Variants in ERI3 observed in about 807,000 individuals in gnomAD.
The protein encoded by ERI3 is ERI1 exoribonuclease 3.
ERI3 carries 18 observed loss-of-function variants against 44.4 expected under a neutral mutation model. The ratio of observed to expected loss-of-function variants is 0.41; its 90% CI spans 0.28 to 0.60. The LOEUF is 0.60. ERI3 is among the 20% of genes least tolerant of loss of function. ERI3 has a pLI of 0.36. For missense variants in ERI3, 294 were observed against 435.5 expected, an observed-to-expected ratio of 0.68 and a Z score of 2.89; for synonymous variants, 183 against 164.8, an observed-to-expected ratio of 1.11 and a Z score of -0.84.
At chr1:44,351,624 T>G (rs766289377) in intron 2 of ERI3, among the ~76,000 whole-genome samples, 6 of 152,158 alleles carry the variant, frequency 3.9e-5, no homozygotes, top group Non-Finnish European at 7.3e-5. Flanking sequence ...CAGAAAAAAT[T>G]TGCAGAGCAC....
intron 7 of ERI3, among the ~76,000 whole-genome samples, chr1:44,259,842 T>C (rs1644854952): frequency 6.6e-6 from 1 of 151,776 alleles, no homozygotes; most frequent in African/African-American, 2.4e-5. Flanking sequence ...TTTGTGCCAC[T>C]GAACTCCAGC....
In ERI3 at chr1:44,318,070, G is replaced by A. The variant is rs962687228; in HGVS notation, c.606+1558C>T. On this transcript the variant is annotated intron_variant, in intron 4 of 8. Transcript: ENST00000372257. ...ATCCTTGGGTGAAGCTTTCTAGAGA[G>A]AAGAAACTGTTCATCATAGTCTCAC... Among the ~76,000 whole-genome samples the A allele has an allele frequency of 3.9e-5, 6 of 152,170 alleles. No homozygotes were observed. The East Asian group carries it at 9.6e-4, about 24-fold the overall frequency.
At chr1:44,321,948 A>G (rs1343851310) in intron 3 of ERI3, among the ~76,000 whole-genome samples, 1 of 152,224 alleles carries the variant, frequency 6.6e-6, no homozygotes, top group East Asian at 1.9e-4. Flanking sequence ...TCTTAAGCCC[A>G]TGATACATTA....
At chr1:44,318,700 G>C (rs1360374112) in intron 4 of ERI3, among the ~76,000 whole-genome samples, 1 of 152,222 alleles carries the variant, frequency 6.6e-6, no homozygotes, top group Non-Finnish European at 1.5e-5. Flanking sequence ...TTACCAAGGA[G>C]ACTGTTTGGG....
In ERI3 at chr1:44,252,654, C is replaced by T. The variant is rs982456568; in HGVS notation, c.832-4616G>A. On this transcript the variant is annotated intron_variant, in intron 7 of 8. Transcript: ENST00000372257. The surrounding 1 kb of genome is among the most constrained non-coding windows in gnomAD (Gnocchi z 4.7). ...GCGGCTTATGGGGGCTTAGCAGCTG[C>T]GACAAGTGTATTGGGTTTAATAGAT... Among the ~76,000 whole-genome samples the T allele has an allele frequency of 3.3e-5, 5 of 152,182 alleles. No homozygotes were observed. Among genetic ancestry groups the T allele is most frequent in the South Asian group, 2.1e-4 (1 of 4,830 alleles).
At chr1:44,238,105 G>A (rs1192149430) in intron 8 of ERI3, among the ~76,000 whole-genome samples, 2 of 152,124 alleles carry the variant, frequency 1.3e-5, no homozygotes, top group Non-Finnish European at 2.9e-5. Context: ...ACTCGCTAAC[G>A]TGCTGCCCAT....
In ERI3 at chr1:44,241,951, C is replaced by G; in HGVS notation, c.931+5988G>C. ...GCCATTCTTCCATCTATGGTTGCTA[C>G]TGAAGAACAGTCTGGTGTCTGGCAA... On this transcript the variant is annotated intron_variant, in intron 8 of 8. Transcript: ENST00000372257. This position sits in a 1 kb window ranked among gnomAD's most constrained non-coding sequence, Gnocchi z 5.6. 1 of 985,772 alleles carries G rather than the reference C, an allele frequency of 1.0e-6. No homozygotes were observed. The highest frequency in any genetic ancestry group is 1.2e-6 in the Non-Finnish European group (1 of 829,976). The allele number at this position is 985,772 out of a possible 1,614,324, so 61.1% of individuals were successfully genotyped here.
In ERI3 at chr1:44,339,228, C is replaced by T; in HGVS notation, c.306G>A (p.Leu102=). The change falls in exon 3 of 9, where the codon CTG becomes CTA. Residue 102 remains leucine (L), a synonymous_variant. Transcript: ENST00000372257. Reference sequence around the variant, plus strand: ...CACAGGGAGAAAATAAGTGGGAGCCCAGCACTTTTCTTGCTCTTGAAAGTA... The same window carrying T: ...CACAGGGAGAAAATAAGTGGGAGCCTAGCACTTTTCTTGCTCTTGAAAGTA... ...SYLLSRARKV[L]GSHLFSPCGV... 1.2e-6 allele frequency: 2 copies of T among 1,613,758 alleles called. No homozygotes were observed. Among genetic ancestry groups the T allele is most frequent in the South Asian group, 1.1e-5 (1 of 91,068 alleles).
intron 7 of ERI3, among the ~76,000 whole-genome samples, chr1:44,270,797 G>A (rs1397041835): frequency 6.6e-6 from 1 of 152,180 alleles, no homozygotes; most frequent in Non-Finnish European, 1.5e-5. Context: ...AATCCCAGCT[G>A]CCTTGAGCTG....
At chr1:44,307,608 C>T (rs191540713) in intron 6 of ERI3, among the ~76,000 whole-genome samples, 30 of 152,298 alleles carry the variant, frequency 2.0e-4, no homozygotes, top group African/African-American at 6.7e-4. Context: ...AAGTGTCAAC[C>T]CAGCAAAGGA....
rs896174814 is a variant in ERI3 at position 44,294,709 on chromosome 1, G to A, written c.759-9802C>T. ...GCTATGGAGAGGAGGCTGAGCAAGT[G>A]ATGGGAGGTTTCCAAGACACTGTGG... On this transcript the variant is annotated intron_variant, in intron 6 of 8. Coordinates refer to ENST00000372257, the MANE Select transcript of ERI3 (RefSeq NM_024066.3). 2.6e-5 allele frequency among the ~76,000 whole-genome samples: 4 copies of A among 152,242 alleles called. No homozygotes were observed. In the South Asian group the frequency reaches 6.2e-4, roughly 24 times the overall value.
intron 3 of ERI3, among the ~76,000 whole-genome samples, chr1:44,329,084 C>T (rs558507325): frequency 7.7e-4 from 118 of 152,320 alleles, no homozygotes; most frequent in African/African-American, 2.7e-3. Context: ...GTGCTCAGCA[C>T]ACTATTGTCT....
At chr1:44,322,707 C>A in intron 3 of ERI3, 1 of 1,542,872 alleles carries the variant, frequency 6.5e-7, no homozygotes, top group South Asian at 1.2e-5. Flanking sequence ...GCAAGGACCT[C>A]ACTGAGGTAC....
intron 7 of ERI3, among the ~76,000 whole-genome samples, chr1:44,281,602 AT>A (rs375107582): frequency 0.015 from 1,441 of 97,864 alleles, 47 homozygotes; most frequent in East Asian, 0.079. Flanking sequence ...AAAAAAAAAA[AT>A]ATATATATAT....
chr1:44,341,673 G>GC (rs1245509982), intron 2 of ERI3, among the ~76,000 whole-genome samples: 1 of 152,250 alleles, frequency 6.6e-6, no homozygotes, highest in African/African-American at 2.4e-5. Context: ...TATTGCTTGA[G>GC]CCCAGGAGTT....
chr1:44,290,510 T>C (rs986677897), intron 6 of ERI3, among the ~76,000 whole-genome samples: 1 of 152,204 alleles, frequency 6.6e-6, no homozygotes, highest in Non-Finnish European at 1.5e-5. Flanking sequence ...CGATTTCCTA[T>C]GCTTCTCTCC....
intron 1 of ERI3, chr1:44,354,489 C>T (rs185979149): frequency 3.0e-6 from 3 of 985,362 alleles, no homozygotes; most frequent in East Asian, 2.3e-4. Flanking sequence ...AGAAAGCTAG[C>T]CAGGTTAGGC....
intron 7 of ERI3, among the ~76,000 whole-genome samples, chr1:44,266,120 GA>G (rs950238954): frequency 6.6e-6 from 1 of 152,238 alleles, no homozygotes; most frequent in Non-Finnish European, 1.5e-5. Context: ...AACAAAGTCA[GA>G]GGAGGCTCTA....
At chr1:44,224,551 G>C (rs780900482) in intron 8 of ERI3, among the ~76,000 whole-genome samples, 2 of 152,196 alleles carry the variant, frequency 1.3e-5, no homozygotes, top group African/African-American at 2.4e-5. Flanking sequence ...TGCTGTTATT[G>C]TGAGGACCAA....
Sources: gnomAD v4.1 joint callset for allele counts (sites outside exome capture counted in the v4.1 genomes callset) on GRCh38, gnomAD v4.1.1 for gene constraint, Gnocchi (gnomAD v3.1) non-coding constraint, MANE v1.5 for transcripts, NCBI Gene and HGNC (gene_info 2026-07-23, HGNC 2026-07-21) for gene names.